Variants in PPARGC1A observed in about 807,000 individuals in gnomAD.
The protein encoded by PPARGC1A is peroxisome proliferator-activated receptor gamma coactivator 1-alpha.
A neutral mutation model predicts 88.7 loss-of-function variants in PPARGC1A; 25 were observed. That is an observed-to-expected ratio of 0.28 (90% CI 0.21 to 0.39). The LOEUF (loss-of-function observed/expected upper bound fraction) is 0.39, where lower values mean the gene tolerates loss of function less well. Among genes scored for constraint, PPARGC1A ranks in the 10% least tolerant of loss-of-function variants. The pLI is 1.00. For synonymous variants in PPARGC1A, 363 were observed against 355.6 expected, an observed-to-expected ratio of 1.02 and a Z score of -0.24; for missense variants, 880 against 968.7, an observed-to-expected ratio of 0.91 and a Z score of 1.22.
the PPARGC1A span, among the ~76,000 whole-genome samples, chr4:24,145,308 A>T: frequency 2.6e-5 from 4 of 152,126 alleles, no homozygotes; most frequent in Non-Finnish European, 5.9e-5. Context: ...CTGCACTTGT[A>T]ACCCTCATAG....
At chr4:24,458,259 G>A in the PPARGC1A span, among the ~76,000 whole-genome samples, 1 of 152,170 alleles carries the variant, frequency 6.6e-6, no homozygotes, top group African/African-American at 2.4e-5. Context: ...CAGCACTTTT[G>A]GAGGCTGAGG....
chr4:23,876,252 T>C (rs1196935355), intron 2 of PPARGC1A, among the ~76,000 whole-genome samples: 2 of 152,318 alleles, frequency 1.3e-5, no homozygotes, highest in Middle Eastern at 3.4e-3. Flanking sequence ...AAGTGACTAT[T>C]GGTAATAATA....
At chr4:24,199,530 C>T in the PPARGC1A span, among the ~76,000 whole-genome samples, 3 of 152,058 alleles carry the variant, frequency 2.0e-5, no homozygotes, top group Non-Finnish European at 2.9e-5. Flanking sequence ...AGGAGTTTGC[C>T]GATCAAAGGC....
the PPARGC1A span, among the ~76,000 whole-genome samples, chr4:24,213,708 TGTGTGTGTGC>T: frequency 6.6e-6 from 1 of 152,154 alleles, no homozygotes; most frequent in African/African-American, 2.4e-5. Context: ...TGTCCAGGCA[TGTGTGTGTGC>T]ATGTGTTTGT....
chr4:24,216,740 C>G, the PPARGC1A span, among the ~76,000 whole-genome samples: 4 of 152,038 alleles, frequency 2.6e-5, no homozygotes, highest in Non-Finnish European at 5.9e-5. Context: ...TACCAAAAAA[C>G]AGGTAGAAAG....
the PPARGC1A span, among the ~76,000 whole-genome samples, chr4:24,162,117 G>C: frequency 1.3e-5 from 2 of 152,234 alleles, no homozygotes; most frequent in South Asian, 4.2e-4. Context: ...CTCAGGAATG[G>C]AAAACCAAAC....
At chr4:23,888,222 A>G (rs1717242253) in intron 1 of PPARGC1A, among the ~76,000 whole-genome samples, 1 of 152,216 alleles carries the variant, frequency 6.6e-6, no homozygotes, top group Non-Finnish European at 1.5e-5. Flanking sequence ...GGCCAATCTC[A>G]GCCGACTGGC....
At chr4:24,260,466 C>T in the PPARGC1A span, among the ~76,000 whole-genome samples, 55,274 of 152,108 alleles carry the variant, frequency 0.36, 11,077 homozygotes, top group Non-Finnish European at 0.46. Context: ...ATTTTTTCCC[C>T]GAGCATCTGA....
At chr4:24,051,412 T>C in the PPARGC1A span, among the ~76,000 whole-genome samples, 1 of 152,204 alleles carries the variant, frequency 6.6e-6, no homozygotes, top group Non-Finnish European at 1.5e-5. Flanking sequence ...AGTTATTTAT[T>C]GTTCAGTTAC....
the PPARGC1A span, among the ~76,000 whole-genome samples, chr4:24,001,324 G>C: frequency 6.6e-6 from 1 of 152,120 alleles, no homozygotes; most frequent in African/African-American, 2.4e-5. Context: ...TTTCCACGTT[G>C]AATCTGTGTA....
At chr4:24,256,921 G>A in the PPARGC1A span, among the ~76,000 whole-genome samples, 1 of 152,184 alleles carries the variant, frequency 6.6e-6, no homozygotes, top group Non-Finnish European at 1.5e-5. Context: ...AACTTTTCCA[G>A]AGGGGTAAAG....
the PPARGC1A span, among the ~76,000 whole-genome samples, chr4:24,455,930 C>T: frequency 1.3e-5 from 2 of 152,308 alleles, no homozygotes; most frequent in Admixed American, 6.5e-5. Context: ...ACAAAATGAA[C>T]TAAGATAATT....
intron 2 of PPARGC1A, among the ~76,000 whole-genome samples, chr4:23,842,548 C>A (rs1051940282): frequency 3.3e-5 from 5 of 152,094 alleles, no homozygotes; most frequent in African/African-American, 4.8e-5. Context: ...TTCTGGGCTG[C>A]AGCACTGTTG....
chr4:23,952,852 A>G, the PPARGC1A span, among the ~76,000 whole-genome samples: 75 of 152,118 alleles, frequency 4.9e-4, no homozygotes, highest in South Asian at 6.6e-3. Flanking sequence ...TTACATGGAC[A>G]CACCTCTCTC....
the PPARGC1A span, among the ~76,000 whole-genome samples, chr4:24,360,980 G>A: frequency 2.0e-5 from 3 of 152,176 alleles, no homozygotes; most frequent in African/African-American, 7.2e-5. Flanking sequence ...CTTCACAAAG[G>A]AGATGCCCCT....
At chr4:24,206,840 TAAAAAAAAAAAAA>T in the PPARGC1A span, among the ~76,000 whole-genome samples, 111 of 43,678 alleles carry the variant, frequency 2.5e-3, no homozygotes, top group Non-Finnish European at 4.0e-3. Flanking sequence ...GACTTCACCT[TAAAAAAAAAAAAA>T]AAAAAAAAAA....
chr4:24,077,625 GT>G, the PPARGC1A span, among the ~76,000 whole-genome samples: 383 of 11,842 alleles, frequency 0.032, 2 homozygotes, highest in South Asian at 0.13. Context: ...GTGTCTAGGG[GT>G]GTGTGTGTGT....
the PPARGC1A span, among the ~76,000 whole-genome samples, chr4:23,999,109 A>G: frequency 6.6e-6 from 1 of 152,202 alleles, no homozygotes; most frequent in Admixed American, 6.5e-5. Flanking sequence ...AAAACAGCAT[A>G]TGTAGTACTC....
the PPARGC1A span, among the ~76,000 whole-genome samples, chr4:24,085,337 A>G: frequency 3.3e-5 from 5 of 152,344 alleles, no homozygotes; most frequent in African/African-American, 4.8e-5. Flanking sequence ...GCTTTACAGT[A>G]ATAAAAGTTA....
Sources: allele counts gnomAD v4.1 joint callset (sites outside exome capture counted in the v4.1 genomes callset), GRCh38; gene constraint gnomAD v4.1.1; transcripts MANE v1.5; gene names NCBI Gene and HGNC (gene_info 2026-07-23, HGNC 2026-07-21).